The following LMNTD1 variants were observed in gnomAD, a reference collection of about 807,000 sequenced individuals.
The protein encoded by LMNTD1 is lamin tail domain containing 1.
A neutral mutation model predicts 50.9 loss-of-function variants in LMNTD1; 35 were observed. That is an observed-to-expected ratio of 0.69 (90% CI 0.53 to 0.91). The LOEUF is 0.91. Ranked by LOEUF, LMNTD1 falls within the 40% of genes least tolerant of loss-of-function variation. The pLI, the probability that LMNTD1 is intolerant of heterozygous loss-of-function variation, is 0.00. For synonymous variants in LMNTD1, 153 were observed against 161.9 expected (o/e 0.94, Z 0.42); for missense variants, 470 against 475.5 (o/e 0.99, Z 0.11).
chr12:25,581,532 A>T (rs1945286627), intron 1 of LMNTD1, among the ~76,000 whole-genome samples: 1 of 151,846 alleles, frequency 6.6e-6, no homozygotes, highest in Admixed American at 6.6e-5. Flanking sequence ...TTTCAAATAT[A>T]TTACTCTTTT....
At chr12:25,570,769 A>G (rs927554425) in intron 1 of LMNTD1, among the ~76,000 whole-genome samples, 10 of 152,152 alleles carry the variant, frequency 6.6e-5, no homozygotes, top group Admixed American at 5.2e-4. Flanking sequence ...ACTAAAAGAA[A>G]CTTTTGCTAG....
intron 1 of LMNTD1, among the ~76,000 whole-genome samples, chr12:25,619,050 A>G (rs1191046420): frequency 2.0e-5 from 3 of 151,998 alleles, no homozygotes; most frequent in Non-Finnish European, 4.4e-5. Flanking sequence ...CAATTTATTT[A>G]CTCATTTCCC....
intron 1 of LMNTD1, among the ~76,000 whole-genome samples, chr12:25,562,560 C>T (rs1944379470): frequency 6.6e-6 from 1 of 152,186 alleles, no homozygotes; most frequent in South Asian, 2.1e-4. Context: ...TCTCTGGCTG[C>T]CCTTAACATT....
intron 4 of LMNTD1, among the ~76,000 whole-genome samples, chr12:25,534,812 T>G (rs947232656): frequency 6.6e-6 from 1 of 152,114 alleles, no homozygotes; most frequent in African/African-American, 2.4e-5. Flanking sequence ...GGAGAATAAT[T>G]AATAACAAAG....
At chr12:25,516,970 C>T (rs1940833271) in intron 8 of LMNTD1, among the ~76,000 whole-genome samples, 1 of 150,498 alleles carries the variant, frequency 6.6e-6, no homozygotes, top group South Asian at 2.1e-4. Context: ...CTCACCATCA[C>T]TGGCCATCAG....
intron 1 of LMNTD1, among the ~76,000 whole-genome samples, chr12:25,597,942 C>T (rs1245108036): frequency 1.3e-5 from 2 of 152,124 alleles, no homozygotes; most frequent in African/African-American, 4.8e-5. Context: ...GTGGGAGGAG[C>T]TCAGTGGGAA....
intron 9 of LMNTD1, among the ~76,000 whole-genome samples, chr12:25,488,824 TTC>T (rs1411839018): frequency 6.6e-6 from 1 of 152,208 alleles, no homozygotes; most frequent in Admixed American, 6.5e-5. Context: ...TGGATGTCCT[TTC>T]TGTTTGTTTT....
intron 1 of LMNTD1, among the ~76,000 whole-genome samples, chr12:25,560,034 C>T (rs938348902): frequency 2.3e-4 from 35 of 152,276 alleles, no homozygotes; most frequent in African/African-American, 7.7e-4. Flanking sequence ...TGTGCAGAAG[C>T]TCTTTAGTTT....
intron 1 of LMNTD1, among the ~76,000 whole-genome samples, chr12:25,634,145 C>T (rs1288715119): frequency 3.3e-5 from 5 of 152,120 alleles, no homozygotes; most frequent in Non-Finnish European, 7.4e-5. Context: ...GAATTAGATA[C>T]ACTGAACAGA....
At chr12:25,605,141 G>A (rs1946068029) in intron 1 of LMNTD1, among the ~76,000 whole-genome samples, 1 of 152,110 alleles carries the variant, frequency 6.6e-6, no homozygotes, top group South Asian at 2.1e-4. Flanking sequence ...CTGCATAAAT[G>A]TCTTCTTTTG....
At chr12:25,567,002 T>C (rs1944583472) in intron 1 of LMNTD1, among the ~76,000 whole-genome samples, 1 of 152,226 alleles carries the variant, frequency 6.6e-6, no homozygotes, top group Non-Finnish European at 1.5e-5. Flanking sequence ...GTTCCAGTTA[T>C]GTCTTTTGTA....
At chr12:25,605,683 T>C (rs1230739408) in intron 1 of LMNTD1, among the ~76,000 whole-genome samples, 1 of 152,184 alleles carries the variant, frequency 6.6e-6, no homozygotes, top group Non-Finnish European at 1.5e-5. Flanking sequence ...GAGAGCTCTG[T>C]TCTGTTCCAT....
At chr12:25,547,503 G>A (rs1273918408) in intron 3 of LMNTD1, among the ~76,000 whole-genome samples, 2 of 151,600 alleles carry the variant, frequency 1.3e-5, no homozygotes, top group African/African-American at 2.4e-5. Flanking sequence ...GTGACTCTCG[G>A]TCCAAAATCC....
chr12:25,517,088 GAACACTTTTACACTGTT>G (rs1450951862), intron 8 of LMNTD1, among the ~76,000 whole-genome samples: 102 of 58,854 alleles, frequency 1.7e-3, no homozygotes, highest in East Asian at 3.9e-3. Context: ...GGAGAAATAG[GAACACTTTTACACTGTT>G]GGTGGGACTG....
chr12:25,551,037 T>C (rs1943715400), intron 2 of LMNTD1, among the ~76,000 whole-genome samples: 2 of 152,148 alleles, frequency 1.3e-5, no homozygotes, highest in Admixed American at 6.5e-5. Context: ...GAAGGAGACT[T>C]TAGAGGTAAA....
intron 9 of LMNTD1, among the ~76,000 whole-genome samples, chr12:25,487,753 G>C (rs1448672867): frequency 8.7e-6 from 1 of 115,498 alleles, no homozygotes; most frequent in African/African-American, 3.4e-5. Context: ...ATTTTGGCAT[G>C]ATTTTGCAGC....
rs557371516 is a variant in LMNTD1, at chr12:25,637,827, A to G, written c.58+10667T>C. ...ACAAATAGCCAACAAGCACATGAAA[A>G]TATCATTAATCATTAGGAGAATGGA... is the stretch of plus-strand genomic sequence containing the variant. On this transcript the variant is annotated intron_variant, in intron 1 of 7. Transcript: ENST00000445693. Among the ~76,000 whole-genome samples the G allele has an allele frequency of 2.0e-5, 3 of 152,140 alleles. No individual in the cohort carries two copies. In the South Asian group the frequency reaches 6.2e-4, roughly 32 times the overall value.
At chr12:25,529,918 C>A (rs548655495) in intron 4 of LMNTD1, among the ~76,000 whole-genome samples, 3 of 152,148 alleles carry the variant, frequency 2.0e-5, no homozygotes, top group African/African-American at 7.2e-5. Context: ...GAATTCCTTG[C>A]AAGAGCATGA....
At chr12:25,606,503 C>G (rs908587614) in intron 1 of LMNTD1, among the ~76,000 whole-genome samples, 8 of 152,094 alleles carry the variant, frequency 5.3e-5, no homozygotes, top group Admixed American at 1.3e-4. Flanking sequence ...TGAGATACAT[C>G]CCATCAATAC....
Sources: gnomAD v4.1 joint callset for allele counts (sites outside exome capture counted in the v4.1 genomes callset) on GRCh38, gnomAD v4.1.1 for gene constraint, MANE v1.5 for transcripts, NCBI Gene and HGNC (gene_info 2026-07-23, HGNC 2026-07-21) for gene names.